Variants in EML6 observed in about 807,000 individuals in gnomAD.
EML6 encodes echinoderm microtubule-associated protein-like 6.
Under a neutral mutation model 240.1 loss-of-function variants are expected in EML6, and 154 were observed. The ratio of observed to expected loss-of-function variants is 0.64; its 90% CI spans 0.56 to 0.73. EML6 has a LOEUF of 0.73. Ranked by LOEUF, EML6 falls within the 30% of genes least tolerant of loss-of-function variation. The pLI, the probability that EML6 is intolerant of heterozygous loss-of-function variation, is 0.00. For missense variants in EML6, 2,964 were observed against 2,474.6 expected (o/e 1.20, Z -4.20); for synonymous variants, 1,148 against 899.0 (o/e 1.28, Z -4.95).
At chr2:54,864,597 T>A (rs1362701561) in intron 13 of EML6, among the ~76,000 whole-genome samples, 2 of 152,254 alleles carry the variant, frequency 1.3e-5, no homozygotes, top group Non-Finnish European at 2.9e-5. Flanking sequence ...GCAGATTCTG[T>A]ACATGAATGT....
Position 54,891,120 on chromosome 2 carries a change from T to C in EML6, c.2505T>C (p.Val835=). ...NPHHVDKLVT[V]GIKHIKFWQQ... ...ACCATGTTGACAAACTGGTTACAGT[T>C]GGGATAAAACACATCAAATTCTGGC... Residue 835 remains valine (V), a synonymous_variant, in exon 18 of 42, where the codon GTT becomes GTC. Coordinates refer to ENST00000356458, the MANE Select transcript of EML6 (RefSeq NM_001039753.4). 2 of 1,505,048 alleles carry C rather than the reference T, an allele frequency of 1.3e-6. No individual in the cohort carries two copies. Among genetic ancestry groups the C allele is most frequent in the Non-Finnish European group, 1.8e-6 (2 of 1,112,228 alleles). 93.2% of individuals were successfully genotyped at this position (1,505,048 alleles called of 1,614,324 possible).
chr2:54,793,385 CTT>C (rs10683746), intron 2 of EML6, among the ~76,000 whole-genome samples: 8,915 of 121,652 alleles, frequency 0.073, 406 homozygotes, highest in East Asian at 0.32. Context: ...TATGAGTAGG[CTT>C]TTTTTTTTTT....
At chr2:54,919,242 T>TTCCC (rs1674092392) in intron 26 of EML6, among the ~76,000 whole-genome samples, 4 of 128,424 alleles carry the variant, frequency 3.1e-5, no homozygotes, top group African/African-American at 1.2e-4. Flanking sequence ...CTATTTTGCT[T>TTCCC]CCCCCCCCCC....
At chr2:54,933,318 C>G (rs1674958346) in intron 28 of EML6, among the ~76,000 whole-genome samples, 1 of 152,194 alleles carries the variant, frequency 6.6e-6, no homozygotes, top group South Asian at 2.1e-4. Flanking sequence ...AATGTAATCA[C>G]TTCACCTCTC....
Position 54,871,562 on chromosome 2 carries a change from G to T in EML6, c.2301G>T (p.Leu767Phe). ...DTQTLKCLSL[L>F]KGQHQRGVCA... is the part of the protein sequence containing the mutation. Reference sequence around the variant, plus strand: ...AAACTCTAAAATGTTTGTCGCTGTTGAAAGGACAACATCAGAGAGGAGTGT... The same window carrying T: ...AAACTCTAAAATGTTTGTCGCTGTTTAAAGGACAACATCAGAGAGGAGTGT... Residue 767 changes from leucine to phenylalanine, a missense_variant, in exon 16 of 42, where the codon TTG (leucine) becomes TTT (phenylalanine). Transcript: ENST00000356458. 1 of 1,551,742 alleles carries T rather than the reference G, an allele frequency of 6.4e-7. No homozygotes were observed. Among genetic ancestry groups the T allele is most frequent in the Non-Finnish European group, 8.7e-7 (1 of 1,146,954 alleles).
chr2:54,903,576 A>T, intron 24 of EML6, 74 bp downstream of exon 24: 1 of 1,293,088 alleles, frequency 7.7e-7, no homozygotes, highest in Non-Finnish European at 1.0e-6. Flanking sequence ...GTTTCTAGAG[A>T]GAATGGCAGT....
chr2:54,952,757 T>G, intron 31 of EML6, 65 bp downstream of exon 31: 1 of 1,111,826 alleles, frequency 9.0e-7, no homozygotes, highest in South Asian at 1.3e-5. Flanking sequence ...TCAGCAATTA[T>G]TGGGAGAGGG....
chr2:54,789,382 C>T (rs961772123), intron 2 of EML6, among the ~76,000 whole-genome samples: 5 of 151,216 alleles, frequency 3.3e-5, no homozygotes, highest in Admixed American at 6.6e-5. Flanking sequence ...GGCGTGATGG[C>T]GGGCGCCTGT....
In EML6 at chr2:54,797,164, C is replaced by CAAAAAAAAAAAAAAAAAAAAAAAAA. The variant is rs773498648; in HGVS notation, c.198-16067_198-16043dup. ...TGGGTGACAGAGCAAGACTCCATCT[C>CAAAAAAAAAAAAAAAAAAAAAAAAA]AAAAAAAAAAAAAAAAAAAAAAAAA... is the stretch of plus-strand genomic sequence containing the variant. On this transcript the variant is annotated intron_variant, in intron 2 of 41. Transcript: ENST00000356458. Among the ~76,000 whole-genome samples the CAAAAAAAAAAAAAAAAAAAAAAAAA allele has an allele frequency of 7.5e-4, 33 of 43,826 alleles. 3 individuals carry two copies. Among genetic ancestry groups the CAAAAAAAAAAAAAAAAAAAAAAAAA allele is most frequent in the Middle Eastern group, 0.012 (1 of 82 alleles). 28.8% of individuals were successfully genotyped at this position (43,826 alleles called of 152,430 possible).
intron 2 of EML6, among the ~76,000 whole-genome samples, chr2:54,745,343 G>A (rs894843726): frequency 6.6e-6 from 1 of 152,172 alleles, no homozygotes; most frequent in Non-Finnish European, 1.5e-5. Flanking sequence ...ATCCAGATGG[G>A]ATAGTGCCTT....
chr2:54,897,808 C>G (rs1051013476), intron 21 of EML6, among the ~76,000 whole-genome samples: 2 of 151,828 alleles, frequency 1.3e-5, no homozygotes, highest in African/African-American at 4.8e-5. Flanking sequence ...CTGCCCAGGT[C>G]TGCTCTGTGC....
intron 8 of EML6, among the ~76,000 whole-genome samples, chr2:54,845,165 T>C (rs1219379638): frequency 5.3e-5 from 8 of 152,208 alleles, no homozygotes. Flanking sequence ...ATTAATTCTG[T>C]TTTTTCCATC....
At chr2:54,865,010 G>A (rs771613678) in intron 13 of EML6, among the ~76,000 whole-genome samples, 4 of 152,148 alleles carry the variant, frequency 2.6e-5, no homozygotes, top group Non-Finnish European at 4.4e-5. Flanking sequence ...ATTGTCTGTG[G>A]CCATACAACC....
intron 36 of EML6, 86 bp downstream of exon 36, chr2:54,962,797 C>G (rs1676581320): frequency 3.4e-6 from 4 of 1,172,084 alleles, no homozygotes; most frequent in Admixed American, 7.5e-5. Context: ...CAGCCAGCGT[C>G]ATGGCAGAGA....
rs147090494 is a variant in EML6 at position 54,971,139 on chromosome 2, G to C, written c.*1044G>C. ...GTGACTTCATTTGATTGCTTCAGGC[G>C]AACTATATAGGTCAAGTCCAGATTA... On this transcript the variant is annotated 3_prime_UTR_variant, in exon 42 of 42. Transcript: ENST00000356458. 3 of 152,128 alleles carry C rather than the reference G, an allele frequency of 2.0e-5. No individual in the cohort carries two copies. Among genetic ancestry groups the C allele is most frequent in the Admixed American group, 2.0e-4 (3 of 15,276 alleles). 9.4% of individuals were successfully genotyped at this position (152,128 alleles called of 1,614,324 possible).
At chr2:54,905,763 C>A (rs1340653349) in intron 24 of EML6, among the ~76,000 whole-genome samples, 1 of 152,158 alleles carries the variant, frequency 6.6e-6, no homozygotes, top group Non-Finnish European at 1.5e-5. Context: ...CTAGGTACCT[C>A]GTATAAGTGG....
intron 10 of EML6, among the ~76,000 whole-genome samples, chr2:54,852,398 GAAA>G (rs1670139056): frequency 6.6e-6 from 1 of 151,976 alleles, no homozygotes; most frequent in African/African-American, 2.4e-5. Context: ...TTTTCTATGT[GAAA>G]AAATATTAAA....
chr2:54,770,123 A>G (rs1668345941), intron 2 of EML6, among the ~76,000 whole-genome samples: 2 of 152,320 alleles, frequency 1.3e-5, no homozygotes, highest in Non-Finnish European at 2.9e-5. Flanking sequence ...GCTTCTTGCC[A>G]TGGGCCAGTC....
rs1397358115 is a variant in EML6, at chr2:54,892,522, T to G, written c.2608T>G (p.Ser870Ala). 24 of 1,551,422 alleles carry G rather than the reference T, an allele frequency of 1.5e-5. No homozygotes were observed. Among genetic ancestry groups the G allele is most frequent in the Non-Finnish European group, 2.0e-5 (23 of 1,146,834 alleles). Reference protein sequence around the residue: ...VGKLETMMCVSYGRMEDLVFS... With the variant: ...VGKLETMMCVAYGRMEDLVFS... ...AAAATTGGAAACAATGATGTGTGTT[T>G]CTTACGGACGAATGGAAGATCTAGT... The change falls in exon 19 of 42, where the codon TCT (serine) becomes GCT (alanine). Residue 870 changes from serine to alanine, a missense_variant. Transcript: ENST00000356458.
Sources: gnomAD v4.1 joint callset for allele counts (sites outside exome capture counted in the v4.1 genomes callset) on GRCh38, gnomAD v4.1.1 for gene constraint, MANE v1.5 for transcripts, NCBI Gene and HGNC (gene_info 2026-07-23, HGNC 2026-07-21) for gene names.